Variants in USP34 observed in about 807,000 individuals in gnomAD.
USP34 encodes ubiquitin carboxyl-terminal hydrolase 34.
Under a neutral mutation model 460.3 loss-of-function variants are expected in USP34, and 70 were observed. That is an observed-to-expected ratio of 0.15 (90% CI 0.13 to 0.19). The LOEUF (loss-of-function observed/expected upper bound fraction) is 0.19. Ranked by LOEUF, USP34 falls within the 10% of genes least tolerant of loss-of-function variation. The pLI is 1.00. For synonymous variants in USP34, 1,647 were observed against 1,405.3 expected (o/e 1.17, Z -3.85); for missense variants, 3,985 against 4,236.2 (o/e 0.94, Z 1.65).
At chr2:61,310,760 C>T (rs763634177) in intron 27 of USP34, among the ~76,000 whole-genome samples, 6 of 150,970 alleles carry the variant, frequency 4.0e-5, no homozygotes, top group Non-Finnish European at 8.8e-5. Flanking sequence ...AGGTGAGACA[C>T]GAAGGTGTGT....
At chr2:61,259,901 A>C in intron 43 of USP34, 125 bp from the exon 44 acceptor site, 2 of 715,778 alleles carry the variant, frequency 2.8e-6, no homozygotes, top group Non-Finnish European at 4.5e-6. Flanking sequence ...TATAAAAGAA[A>C]AACACCAACA....
chr2:61,277,149 C>G (rs555124982), intron 41 of USP34, among the ~76,000 whole-genome samples: 1 of 152,044 alleles, frequency 6.6e-6, no homozygotes, highest in Non-Finnish European at 1.5e-5. Context: ...CTTACTAATT[C>G]CACTGTATTA....
intron 10 of USP34, among the ~76,000 whole-genome samples, chr2:61,364,098 G>C (rs1692355627): frequency 6.6e-6 from 1 of 152,206 alleles, no homozygotes; most frequent in Non-Finnish European, 1.5e-5. Flanking sequence ...TAAAACAGCT[G>C]AGCATGGTGG....
chr2:61,233,243 C>A (rs1192166710), intron 57 of USP34, among the ~76,000 whole-genome samples: 1 of 152,056 alleles, frequency 6.6e-6, no homozygotes, highest in Non-Finnish European at 1.5e-5. Context: ...ACTTGAGAAA[C>A]TCTGGATCTA....
intron 1 of USP34, among the ~76,000 whole-genome samples, chr2:61,427,152 C>G (rs900289853): frequency 6.6e-6 from 1 of 152,170 alleles, no homozygotes; most frequent in African/African-American, 2.4e-5. Flanking sequence ...CTCAGCCTCC[C>G]GAGTAGCTGG....
intron 1 of USP34, among the ~76,000 whole-genome samples, chr2:61,465,364 T>G (rs1695730487): frequency 6.6e-6 from 1 of 152,192 alleles, no homozygotes; most frequent in African/African-American, 2.4e-5. Context: ...GTATAACTAA[T>G]AATATTAATA....
intron 48 of USP34, among the ~76,000 whole-genome samples, chr2:61,254,174 G>A (rs1688660884): frequency 6.6e-6 from 1 of 152,166 alleles, no homozygotes; most frequent in African/African-American, 2.4e-5. Context: ...AGCTGTCATT[G>A]TCTTTCATCT....
At chr2:61,209,008 A>C in intron 69 of USP34, 31 bp from the exon 70 acceptor site, 1 of 1,428,196 alleles carries the variant, frequency 7.0e-7, no homozygotes, top group Non-Finnish European at 9.6e-7. Context: ...CAGTTTGAGA[A>C]GTCTGAATAA....
At chr2:61,432,396 A>T (rs1694704269) in intron 1 of USP34, among the ~76,000 whole-genome samples, 1 of 152,094 alleles carries the variant, frequency 6.6e-6, no homozygotes, top group Admixed American at 6.6e-5. Flanking sequence ...AGACAGCTTG[A>T]GCCCCAGGAG....
Position 61,220,401 on chromosome 2 carries a change from T to G in USP34, c.7956A>C (p.Arg2652=). 1 of 1,614,044 alleles carries G rather than the reference T, an allele frequency of 6.2e-7. No individual in the cohort carries two copies. The highest frequency in any genetic ancestry group is 1.1e-5 in the South Asian group (1 of 91,072). Residue 2652 remains arginine, a synonymous_variant, in exon 67 of 80, where the codon CGA becomes CGC. Coordinates refer to ENST00000398571, the MANE Select transcript of USP34 (RefSeq NM_014709.4). ...AGACCCAGCTGTGTGCCAGTTTATT[T>G]CGGGGTGTCTGCACTGCCAACCAAT... ...CLDWLAVQTP[R]NKLAHSWVLQ...
chr2:61,262,822 T>C (rs966613296), intron 43 of USP34, among the ~76,000 whole-genome samples: 1 of 152,240 alleles, frequency 6.6e-6, no homozygotes, highest in Non-Finnish European at 1.5e-5. Flanking sequence ...CATTCCCTTT[T>C]CTTTACAACA....
chr2:61,237,357 C>A (rs916506745), intron 53 of USP34, among the ~76,000 whole-genome samples: 10 of 152,010 alleles, frequency 6.6e-5, no homozygotes, highest in African/African-American at 2.4e-4. Context: ...GATTCTGTGT[C>A]ACAATTTTTG....
intron 58 of USP34, among the ~76,000 whole-genome samples, chr2:61,230,844 C>CAA (rs11398421): frequency 0.021 from 2,667 of 124,592 alleles, 73 homozygotes; most frequent in African/African-American, 0.061. Flanking sequence ...AACTCCGTCT[C>CAA]AAAAAAAAAA....
chr2:61,295,228 A>G lies in USP34; in HGVS notation c.4317T>C (p.Tyr1439=), dbSNP rs1276634954. ...LKIKSAHKLL[Y]ALEIIEALGK... ...CCAGTGCTTCAATAATTTCCAGAGC[A>G]TACAATAGCTTGTGGGCGCTCTTAA... The change falls in exon 31 of 80, where the codon TAT becomes TAC. Residue 1439 remains tyrosine (Y), a synonymous_variant. Transcript: ENST00000398571. 2.5e-6 allele frequency: 4 copies of G among 1,612,330 alleles called. No individual in the cohort carries two copies. Among genetic ancestry groups the G allele is most frequent in the Non-Finnish European group, 2.5e-6 (3 of 1,179,318 alleles).
intron 48 of USP34, among the ~76,000 whole-genome samples, chr2:61,251,843 T>G (rs186939486): frequency 2.5e-4 from 38 of 152,300 alleles, no homozygotes; most frequent in Non-Finnish European, 1.9e-4. Context: ...TTGGACATTT[T>G]TTTCTTTCTA....
chr2:61,358,504 A>C (rs546042280), intron 10 of USP34, among the ~76,000 whole-genome samples: 51 of 152,300 alleles, frequency 3.3e-4, no homozygotes, highest in Admixed American at 1.2e-3. Context: ...ACTTATCAAA[A>C]ACCCACAGGC....
At chr2:61,199,795 CATTA>C (rs1686916759) in intron 75 of USP34, among the ~76,000 whole-genome samples, 1 of 152,028 alleles carries the variant, frequency 6.6e-6, no homozygotes. Flanking sequence ...TGGTTTTAAT[CATTA>C]TAGTTTACTG....
Position 61,339,419 on chromosome 2 carries a change from A to G in USP34, c.2676T>C (p.Cys892=). The part of the protein sequence containing the change: ...EAEKLLCSLV[C]WFTDRQIRMR... ...TTCGAATTTGTCTATCTGTAAACCA[A>G]CATACTAACGAACAAAGAAGTTTCT... The change falls in exon 18 of 80, where the codon TGT becomes TGC. Residue 892 remains cysteine, a synonymous_variant. Transcript: ENST00000398571. 1.2e-6 allele frequency: 2 copies of G among 1,607,144 alleles called. No individual in the cohort carries two copies. Among genetic ancestry groups the G allele is most frequent in the East Asian group, 2.2e-5 (1 of 44,578 alleles).
chr2:61,409,884 G>A (rs1693988320), intron 2 of USP34, among the ~76,000 whole-genome samples: 1 of 152,152 alleles, frequency 6.6e-6, no homozygotes. Context: ...AAAAAGGGCT[G>A]TGAGTCTAAC....
Sources: gnomAD v4.1 joint callset for allele counts (sites outside exome capture counted in the v4.1 genomes callset) on GRCh38, gnomAD v4.1.1 for gene constraint, MANE v1.5 for transcripts, NCBI Gene and HGNC (gene_info 2026-07-23, HGNC 2026-07-21) for gene names.